RYR2: variants seen among roughly 807,000 people sequenced by gnomAD.
The protein encoded by RYR2 is ryanodine receptor 2, also known as cardiac muscle ryanodine receptor-calcium release channel.
Under a neutral mutation model 601.1 loss-of-function variants are expected in RYR2, and 227 were observed. The ratio of observed to expected loss-of-function variants is 0.38; its 90% CI spans 0.34 to 0.42. The LOEUF (loss-of-function observed/expected upper bound fraction) is 0.42. Among genes scored for constraint, RYR2 ranks in the 10% least tolerant of loss-of-function variants. The pLI is 1.00. For synonymous variants in RYR2, 2,223 were observed against 2,175.1 expected, an observed-to-expected ratio of 1.02 and a Z score of -0.61; for missense variants, 4,646 against 6,156.5, an observed-to-expected ratio of 0.75 and a Z score of 8.21.
chr1:237,733,107 G>A (rs1235362544), intron 78 of RYR2, among the ~76,000 whole-genome samples: 3 of 152,076 alleles, frequency 2.0e-5, no homozygotes, highest in African/African-American at 4.8e-5. Flanking sequence ...AGGTAATGAG[G>A]TATTTCTCAT....
chr1:237,265,359 T>C (rs1376369515), intron 1 of RYR2, among the ~76,000 whole-genome samples: 1 of 152,080 alleles, frequency 6.6e-6, no homozygotes, highest in African/African-American at 2.4e-5. Context: ...TCTTGCTCAG[T>C]TGCCCAAGCT....
intron 1 of RYR2, among the ~76,000 whole-genome samples, chr1:237,061,273 T>TATCC (rs1558163968): frequency 4.6e-5 from 6 of 129,392 alleles, no homozygotes; most frequent in Non-Finnish European, 6.7e-5. Context: ...TCTATCCATC[T>TATCC]ATCATCTATC....
At chr1:237,414,675 TG>T (rs978008672) in intron 10 of RYR2, among the ~76,000 whole-genome samples, 5 of 152,228 alleles carry the variant, frequency 3.3e-5, no homozygotes, top group Admixed American at 2.0e-4. Context: ...TTCTTTATGT[TG>T]GGAACATTCA....
intron 24 of RYR2, among the ~76,000 whole-genome samples, chr1:237,512,980 G>T (rs1161788745): frequency 1.3e-5 from 2 of 152,172 alleles, no homozygotes; most frequent in Admixed American, 1.3e-4. Flanking sequence ...ACTGCAGCCT[G>T]CAACTCCTGG....
chr1:237,595,601 G>A lies in RYR2; in HGVS notation c.4540G>A (p.Ala1514Thr), dbSNP rs1675806124. ...GGAGATTGGCTGTGTGGTGGATGCT[G>A]CCAGCGGGCTGCTCACATTCATTGC... ...GLEIGCVVDA[A>T]SGLLTFIANG... The change falls in exon 34 of 105, where the codon GCC becomes ACC. Residue 1514 changes from alanine to threonine, a missense_variant. This residue lies in a region of RYR2 where 1,807 missense variants were observed against 2,088.1 expected (regional missense o/e 0.87). Coordinates refer to ENST00000366574, the MANE Select transcript of RYR2 (RefSeq NM_001035.3). 2 of 1,613,312 alleles carry A rather than the reference G, an allele frequency of 1.2e-6. No homozygotes were observed. The highest frequency in any genetic ancestry group is 1.3e-5 in the African/African-American group (1 of 74,928).
chr1:237,060,650 G>T (rs1662722561), intron 1 of RYR2, among the ~76,000 whole-genome samples: 1 of 152,124 alleles, frequency 6.6e-6, no homozygotes, highest in African/African-American at 2.4e-5. Flanking sequence ...TCCACTTTGT[G>T]CAAATGGAAT....
At chr1:237,812,056 G>A (rs1661312380) in intron 100 of RYR2, among the ~76,000 whole-genome samples, 1 of 152,114 alleles carries the variant, frequency 6.6e-6, no homozygotes, top group Admixed American at 6.5e-5. Context: ...TGTCTCAAGA[G>A]CTTTACAAAT....
chr1:237,164,435 T>C (rs1403628189), intron 1 of RYR2, among the ~76,000 whole-genome samples: 1 of 152,154 alleles, frequency 6.6e-6, no homozygotes, highest in East Asian at 1.9e-4. Context: ...GGGTGCACAG[T>C]AGGTTTGGGC....
intron 1 of RYR2, among the ~76,000 whole-genome samples, chr1:237,202,838 T>C (rs928115430): frequency 1.3e-5 from 2 of 152,146 alleles, no homozygotes; most frequent in African/African-American, 4.8e-5. Flanking sequence ...CTCTTTGCTG[T>C]GTGGTGGAAG....
intron 1 of RYR2, among the ~76,000 whole-genome samples, chr1:237,153,223 G>A (rs1674928557): frequency 6.6e-6 from 1 of 152,200 alleles, no homozygotes; most frequent in Non-Finnish European, 1.5e-5. Flanking sequence ...AAGCGGTGAA[G>A]ATTTTGAGAT....
intron 1 of RYR2, among the ~76,000 whole-genome samples, chr1:237,072,960 A>AC (rs1197975190): frequency 4.0e-5 from 6 of 151,210 alleles, no homozygotes; most frequent in Admixed American, 6.6e-5. Context: ...AAAAAAAAAA[A>AC]AAAACAAAAA....
chr1:237,503,367 T>C lies in RYR2; in HGVS notation c.2475T>C (p.Ala825=). 6.2e-7 allele frequency: 1 copy of C among 1,613,954 alleles called. No individual in the cohort carries two copies. Residue 825 remains alanine (A), a synonymous_variant, in exon 22 of 105, where the codon GCT becomes GCC. Transcript: ENST00000366574. ...PPPGYAPCYE[A]VLPKEKLKVE... ...CTGGGTATGCTCCTTGTTATGAAGCTGTTCTGCCAAAAGAAAAGTTGAAAG... is the reference window on the plus strand; with the variant it reads ...CTGGGTATGCTCCTTGTTATGAAGCCGTTCTGCCAAAAGAAAAGTTGAAAG...
At chr1:237,605,129 C>CT (rs1409912419) in intron 35 of RYR2, among the ~76,000 whole-genome samples, 2 of 152,040 alleles carry the variant, frequency 1.3e-5, no homozygotes, top group South Asian at 2.1e-4. Context: ...AAAAAAAGAA[C>CT]TTTAGACCAA....
intron 1 of RYR2, among the ~76,000 whole-genome samples, chr1:237,124,257 G>A (rs1321305919): frequency 6.6e-6 from 1 of 152,204 alleles, no homozygotes; most frequent in Non-Finnish European, 1.5e-5. Context: ...AGTGTAGGAA[G>A]GACATGTAGA....
chr1:237,483,088 C>G (rs1374085995), intron 17 of RYR2, among the ~76,000 whole-genome samples: 1 of 152,104 alleles, frequency 6.6e-6, no homozygotes, highest in Admixed American at 6.6e-5. Flanking sequence ...TTTAATTTCT[C>G]CTGATTTACT....
chr1:237,336,921 C>T (rs981315268), intron 3 of RYR2, among the ~76,000 whole-genome samples: 16 of 149,378 alleles, frequency 1.1e-4, no homozygotes, highest in Non-Finnish European at 1.9e-4. Flanking sequence ...TTTATAAAAC[C>T]CCTATCTCTT....
intron 16 of RYR2, among the ~76,000 whole-genome samples, chr1:237,457,699 C>T (rs1488951899): frequency 6.6e-6 from 1 of 152,184 alleles, no homozygotes; most frequent in Non-Finnish European, 1.5e-5. Context: ...AGACATCTCT[C>T]TCTTGCATGG....
At chr1:237,727,676 A>G (rs1002171336) in intron 76 of RYR2, among the ~76,000 whole-genome samples, 2 of 152,148 alleles carry the variant, frequency 1.3e-5, no homozygotes, top group African/African-American at 4.8e-5. Flanking sequence ...GAAGTGAGCT[A>G]GTAGGTTTAT....
At chr1:237,578,727 G>T (rs1021795883) in intron 29 of RYR2, among the ~76,000 whole-genome samples, 2 of 76,980 alleles carry the variant, frequency 2.6e-5, no homozygotes, top group Non-Finnish European at 5.5e-5. Context: ...TGGTGGGAGT[G>T]GGGGCATGTA....
Sources: allele counts gnomAD v4.1 joint callset (sites outside exome capture counted in the v4.1 genomes callset), GRCh38; gene constraint gnomAD v4.1.1; regional missense constraint gnomAD v4.1.1; transcripts MANE v1.5; gene names NCBI Gene and HGNC (gene_info 2026-07-23, HGNC 2026-07-21).